KCNT1: variants seen among roughly 807,000 people sequenced by gnomAD.
KCNT1 encodes potassium channel subfamily T member 1.
KCNT1 carries 78 observed loss-of-function variants against 147.8 expected under a neutral mutation model. That is an observed-to-expected ratio of 0.53 (90% confidence interval 0.44 to 0.64). The LOEUF (loss-of-function observed/expected upper bound fraction) is 0.64, where lower values mean the gene tolerates loss of function less well. Among genes scored for constraint, KCNT1 ranks in the 30% least tolerant of loss-of-function variants. The probability of loss-of-function intolerance (pLI) is 0.00; values close to 1 mark genes in which losing one functional copy is unlikely to be tolerated. For missense variants in KCNT1, 1,419 were observed against 1,750.3 expected (o/e 0.81, Z 3.38); for synonymous variants, 867 against 748.8 (o/e 1.16, Z -2.58).
rs2131328402 is a variant in KCNT1 at position 135,714,287 on chromosome 9, A to G, written c.111-290A>G. On this transcript the variant is annotated intron_variant, in intron 1 of 30. Transcript: ENST00000371757. The surrounding 1 kb of genome is among the most constrained non-coding windows in gnomAD (Gnocchi z 6.2). Reference sequence around the variant, plus strand: ...GTGCGCGCCTGTCCCTGAGCTGGCCATGACAGCTCCCGTCCCCCTTACCTC... The same window carrying G: ...GTGCGCGCCTGTCCCTGAGCTGGCCGTGACAGCTCCCGTCCCCCTTACCTC... Among the ~76,000 whole-genome samples the G allele has an allele frequency of 6.6e-6, 1 of 151,704 alleles. No homozygotes were observed. The highest frequency in any genetic ancestry group is 2.1e-4 in the South Asian group (1 of 4,822).
At chr9:135,761,474 T>C (rs1831907866) in intron 11 of KCNT1, among the ~76,000 whole-genome samples, 1 of 152,226 alleles carries the variant, frequency 6.6e-6, no homozygotes, top group South Asian at 2.1e-4. Context: ...TGACACTGCC[T>C]CCCTCCTCGG....
At chr9:135,771,128 G>T (rs779014191) in intron 18 of KCNT1, 33 bp downstream of exon 18, 2 of 1,575,648 alleles carry the variant, frequency 1.3e-6, no homozygotes. Flanking sequence ...GACTCCCTGG[G>T]CCTGCTCCTT....
intron 2 of KCNT1, among the ~76,000 whole-genome samples, chr9:135,733,300 A>G (rs1393769965): frequency 5.2e-5 from 3 of 57,646 alleles, no homozygotes; most frequent in Non-Finnish European, 9.2e-5. Flanking sequence ...CTGCCCCTGC[A>G]CCTCCCCCCA....
At chr9:135,728,868 A>G (rs566825336) in intron 2 of KCNT1, among the ~76,000 whole-genome samples, 3 of 152,088 alleles carry the variant, frequency 2.0e-5, no homozygotes, top group Non-Finnish European at 4.4e-5. Context: ...TTCCCACCCT[A>G]CCCCCGGGAT....
intron 10 of KCNT1, 127 bp downstream of exon 10, chr9:135,758,635 G>A: frequency 2.7e-6 from 2 of 746,978 alleles, no homozygotes; most frequent in South Asian, 3.3e-5. Context: ...ACAGTGCCTG[G>A]GCTGCGGGTG....
chr9:135,759,208 C>T (rs976075842), intron 10 of KCNT1, among the ~76,000 whole-genome samples: 3 of 152,186 alleles, frequency 2.0e-5, no homozygotes, highest in Non-Finnish European at 4.4e-5. Flanking sequence ...CAGGCCTGGG[C>T]GCTTGTCTGG....
In KCNT1 at chr9:135,784,516, TCC is replaced by T. The variant is rs766816401; in HGVS notation, c.2944-17_2944-16del. On this transcript the variant is annotated splice_polypyrimidine_tract_variant and intron_variant, in intron 25 of 30. Transcript: ENST00000371757. ...CTCCCTCCCTCCCTCCCTCCCTCCC[TCC>T]CTCCCTCCCTGGCCAGTCCTTCGTG... 9.0e-5 allele frequency: 15 copies of T among 166,544 alleles called. No homozygotes were observed. Among genetic ancestry groups the T allele is most frequent in the Admixed American group, 4.3e-4 (4 of 9,282 alleles). The allele number at this position is 166,544 out of a possible 1,614,324, so 10.3% of individuals were successfully genotyped here.
rs1217096141 is a variant in KCNT1, at chr9:135,765,108, G to C, written c.1113G>C (p.Glu371Asp). Residue 371 changes from glutamate (E) to aspartate (D), a missense_variant, in exon 12 of 31, where the codon GAG becomes GAC. Transcript: ENST00000371757. ...ACAGCCGCCACCGTGCGCAGACGGA[G>C]AAGCACGTGGTCCTGTGTGTCAGCT... ...GNYSRHRAQT[E>D]KHVVLCVSSL... 6.2e-7 allele frequency: 1 copy of C among 1,613,562 alleles called. No individual in the cohort carries two copies. The highest frequency in any genetic ancestry group is 8.5e-7 in the Non-Finnish European group (1 of 1,179,954).
At chr9:135,776,455 T>TG (rs1164834864) in intron 20 of KCNT1, among the ~76,000 whole-genome samples, 1 of 152,084 alleles carries the variant, frequency 6.6e-6, no homozygotes, top group Non-Finnish European at 1.5e-5. Flanking sequence ...TTTGTAGTGA[T>TG]GGGGTCTCAC....
chr9:135,782,275 G>C (rs1213218278), intron 24 of KCNT1, among the ~76,000 whole-genome samples: 1 of 152,196 alleles, frequency 6.6e-6, no homozygotes, highest in East Asian at 1.9e-4. Context: ...ATCTCCCCTT[G>C]AGGGCTGGCT....
rs1835753862 is a variant in KCNT1 at position 135,717,172 on chromosome 9, G to T, written c.254+2452G>T. Among the ~76,000 whole-genome samples the T allele has an allele frequency of 2.0e-5, 3 of 150,680 alleles. 1 individual carries two copies. The South Asian group carries it at 6.4e-4, about 32-fold the overall frequency. On this transcript the variant is annotated intron_variant, in intron 2 of 30. Coordinates refer to ENST00000371757, the MANE Select transcript of KCNT1 (RefSeq NM_020822.3). Reference sequence around the variant, plus strand: ...CAGGAGGGAGGGGACCTGGCCCTGTGGTGTTGGTGTGTATAGGATGGGAGG... The same window carrying T: ...CAGGAGGGAGGGGACCTGGCCCTGTTGTGTTGGTGTGTATAGGATGGGAGG...
chr9:135,770,885 C>A lies in KCNT1; in HGVS notation c.1798C>A (p.Arg600=), dbSNP rs772378108. 6.3e-7 allele frequency: 1 copy of A among 1,589,752 alleles called. No homozygotes were observed. Among genetic ancestry groups the A allele is most frequent in the East Asian group, 2.3e-5 (1 of 43,786 alleles). The stretch of plus-strand genomic sequence containing the variant: ...TGGCGTGTGCCTCATCGGGCTGAAG[C>A]GGGAGGACAACAAGAGCATCCTGCT... ...KYGVCLIGLK[R]EDNKSILLNP... The change falls in exon 18 of 31, where the codon CGG becomes AGG. Residue 600 remains arginine (R), a synonymous_variant. Coordinates refer to ENST00000371757, the MANE Select transcript of KCNT1 (RefSeq NM_020822.3).
chr9:135,768,565 C>A, intron 13 of KCNT1, 45 bp from the exon 14 acceptor site: 1 of 1,514,992 alleles, frequency 6.6e-7, no homozygotes, highest in Non-Finnish European at 9.0e-7. Flanking sequence ...GCTGCACTGC[C>A]CACCTCCCCT....
At position 135,730,990 on chromosome 9, in the gene KCNT1, T is replaced by TTAAA. The variant is rs1554766004; in HGVS notation, c.254+16270_254+16271insTAAA. ...AACAAAGTGAGATCCCGTCTCAAGG[T>TTAAA]AAAAAAAAAAAAAAAAAAAAAAAGT... On this transcript the variant is annotated intron_variant, in intron 2 of 30. Coordinates refer to ENST00000371757, the MANE Select transcript of KCNT1 (RefSeq NM_020822.3). The surrounding 1 kb of genome is among the most constrained non-coding windows in gnomAD (Gnocchi z 4.7). Among the ~76,000 whole-genome samples, 2 of 85,594 alleles carry TTAAA rather than the reference T, an allele frequency of 2.3e-5. No homozygotes were observed. Among genetic ancestry groups the TTAAA allele is most frequent in the Non-Finnish European group, 2.2e-5 (1 of 44,680 alleles). The allele number at this position is 85,594 out of a possible 152,430, so 56.2% of individuals were successfully genotyped here. A position where few individuals can be genotyped will look rare whatever the true frequency, so the allele number is the denominator to read the frequency against.
chr9:135,791,768 T>C lies in KCNT1; in HGVS notation c.3503-29T>C, dbSNP rs748402832. On this transcript the variant is annotated intron_variant, in intron 29 of 30. Transcript: ENST00000371757. ...GCTGGGAGGGGCAGGGCTGGGGGGG[T>C]GACGTCTGCCCGGCTGTGTCCTTTG... The C allele has an allele frequency of 1.0e-5, 16 of 1,599,902 alleles. 1 individual carries two copies. In the South Asian group the frequency reaches 1.5e-4, roughly 15 times the overall value.
At chr9:135,708,236 CCACATGTG>C (rs1260377424) in intron 1 of KCNT1, among the ~76,000 whole-genome samples, 3 of 152,168 alleles carry the variant, frequency 2.0e-5, no homozygotes, top group African/African-American at 7.2e-5. Flanking sequence ...ACACATATGT[CCACATGTG>C]CACATGTATA....
At chr9:135,723,851 C>T (rs976914540) in intron 2 of KCNT1, among the ~76,000 whole-genome samples, 4 of 152,224 alleles carry the variant, frequency 2.6e-5, no homozygotes, top group African/African-American at 4.8e-5. Flanking sequence ...GCACAGGTAC[C>T]TCATGTCCTT....
Position 135,743,742 on chromosome 9 carries a change from C to T in KCNT1, c.255-6356C>T, listed in dbSNP as rs541364661. On this transcript the variant is annotated intron_variant, in intron 2 of 30. Transcript: ENST00000371757. ...CGCCGTGGCACGGTCTGGACACAGC[C>T]GATGTTCCTGGACCTTTGGAGGCCC... is the stretch of plus-strand genomic sequence containing the variant. Among the ~76,000 whole-genome samples, 49 of 152,332 alleles carry T rather than the reference C, an allele frequency of 3.2e-4. 1 individual carries two copies. The highest frequency in any genetic ancestry group is 6.8e-3 in the Middle Eastern group (2 of 294).
chr9:135,747,544 G>A (rs574141326), intron 2 of KCNT1, among the ~76,000 whole-genome samples: 1 of 152,220 alleles, frequency 6.6e-6, no homozygotes, highest in East Asian at 1.9e-4. Flanking sequence ...CTGTCTGAGC[G>A]AAAGACATCC....
Sources: gnomAD v4.1 joint callset for allele counts (sites outside exome capture counted in the v4.1 genomes callset) on GRCh38, gnomAD v4.1.1 for gene constraint, Gnocchi (gnomAD v3.1) non-coding constraint, MANE v1.5 for transcripts, NCBI Gene and HGNC (gene_info 2026-07-23, HGNC 2026-07-21) for gene names.